Variants in GPHN observed in about 807,000 individuals in gnomAD.
GPHN encodes gephyrin.
GPHN carries 17 observed loss-of-function variants against 95.5 expected under a neutral mutation model. That is an observed-to-expected ratio of 0.18 (90% CI 0.12 to 0.27). GPHN has a LOEUF of 0.27. GPHN is among the 10% of genes least tolerant of loss of function. The probability of loss-of-function intolerance (pLI) is 1.00; values close to 1 mark genes in which losing one functional copy is unlikely to be tolerated. For missense variants in GPHN, 660 were observed against 978.1 expected, an observed-to-expected ratio of 0.67 and a Z score of 4.34; for synonymous variants, 320 against 322.5, an observed-to-expected ratio of 0.99 and a Z score of 0.08.
At chr14:67,250,762 A>G in the GPHN span, among the ~76,000 whole-genome samples, 1 of 152,324 alleles carries the variant, frequency 6.6e-6, no homozygotes, top group African/African-American at 2.4e-5. Context: ...AACGAAAATA[A>G]ATTTCATAGT....
At chr14:67,264,483 TG>T in the GPHN span, among the ~76,000 whole-genome samples, 2 of 152,198 alleles carry the variant, frequency 1.3e-5, no homozygotes, top group Non-Finnish European at 2.9e-5. Context: ...TGTGTTTTCT[TG>T]TAGCAGTTTT....
At chr14:67,451,620 A>G in the GPHN span, among the ~76,000 whole-genome samples, 1 of 151,986 alleles carries the variant, frequency 6.6e-6, no homozygotes, top group Non-Finnish European at 1.5e-5. Flanking sequence ...TGTTTTGGCC[A>G]ATTTCTCCCA....
chr14:67,050,891 C>T (rs566852834), intron 10 of GPHN, among the ~76,000 whole-genome samples: 9 of 152,266 alleles, frequency 5.9e-5, no homozygotes, highest in Admixed American at 2.0e-4. Flanking sequence ...GGAACTCCCA[C>T]TCCCAGCCAA....
In GPHN at chr14:66,770,724, G is replaced by A. The variant is rs116552263; in HGVS notation, c.144-5740G>A. 7.1e-3 allele frequency among the ~76,000 whole-genome samples: 1,078 copies of A among 152,092 alleles called. 5 individuals are homozygous for A. Among genetic ancestry groups the A allele is most frequent in the African/African-American group, 0.025 (1,024 of 41,482 alleles). On this transcript the variant is annotated intron_variant, in intron 2 of 22. Transcript: ENST00000478722. The stretch of plus-strand genomic sequence containing the variant: ...CCCATCCACAGTTTCACTTTCTGTC[G>A]TTTCAGTTATGTGCAGTCAAGTGCC...
the GPHN span, among the ~76,000 whole-genome samples, chr14:67,694,596 T>G: frequency 2.0e-5 from 3 of 151,538 alleles, no homozygotes; most frequent in African/African-American, 4.9e-5. Flanking sequence ...TGAGATTCTA[T>G]GTGGATAAGA....
At chr14:66,850,983 T>C (rs1432147836) in intron 4 of GPHN, among the ~76,000 whole-genome samples, 1 of 152,086 alleles carries the variant, frequency 6.6e-6, no homozygotes, top group East Asian at 1.9e-4. Context: ...TATAAGAATA[T>C]ATAATTATTG....
chr14:67,268,725 C>T, the GPHN span, among the ~76,000 whole-genome samples: 301 of 152,260 alleles, frequency 2.0e-3, 2 homozygotes, highest in East Asian at 2.1e-3. Context: ...GGATTTGCCT[C>T]GCTTCTTTAC....
chr14:67,410,470 A>G, the GPHN span, among the ~76,000 whole-genome samples: 2 of 151,784 alleles, frequency 1.3e-5, no homozygotes, highest in Non-Finnish European at 2.9e-5. Context: ...CCACCTCCAC[A>G]TGCTGCGAGA....
the GPHN span, among the ~76,000 whole-genome samples, chr14:67,710,908 T>A: frequency 2.0e-5 from 3 of 152,206 alleles, no homozygotes; most frequent in African/African-American, 7.2e-5. Context: ...ACCTAGATTA[T>A]TTATGAAAAC....
chr14:67,374,949 C>T, the GPHN span, among the ~76,000 whole-genome samples: 2 of 152,224 alleles, frequency 1.3e-5, no homozygotes, highest in African/African-American at 2.4e-5. Flanking sequence ...ATGAGGGTAA[C>T]GGAGACAACC....
At chr14:67,107,507 G>A (rs537266085) in intron 13 of GPHN, among the ~76,000 whole-genome samples, 1 of 152,328 alleles carries the variant, frequency 6.6e-6, no homozygotes, top group African/African-American at 2.4e-5. Flanking sequence ...TGGGTAGGGT[G>A]TAGTACTGAC....
the GPHN span, among the ~76,000 whole-genome samples, chr14:67,444,916 C>T: frequency 4.6e-4 from 70 of 152,272 alleles, no homozygotes; most frequent in South Asian, 3.7e-3. Context: ...GGTGCCACCA[C>T]GCCTGGCTAA....
At chr14:67,223,860 C>A in the GPHN span, 16 of 985,746 alleles carry the variant, frequency 1.6e-5, no homozygotes, top group Non-Finnish European at 1.9e-5. Context: ...TCACTTAACA[C>A]CCTGTACCCC....
the GPHN span, among the ~76,000 whole-genome samples, chr14:67,434,053 A>C: frequency 6.6e-6 from 1 of 152,216 alleles, no homozygotes; most frequent in African/African-American, 2.4e-5. Flanking sequence ...TATATGTGGC[A>C]AATTAAGCTT....
At chr14:66,872,834 G>T (rs1207355006) in intron 4 of GPHN, among the ~76,000 whole-genome samples, 3 of 150,994 alleles carry the variant, frequency 2.0e-5, no homozygotes, top group African/African-American at 7.3e-5. Flanking sequence ...GACGGAGTTT[G>T]CAGTAAGCCG....
intron 17 of GPHN, among the ~76,000 whole-genome samples, chr14:67,131,782 G>T (rs2079732095): frequency 6.6e-6 from 1 of 152,140 alleles, no homozygotes; most frequent in African/African-American, 2.4e-5. Context: ...TATCCAAATA[G>T]AATCCACTTG....
chr14:67,526,761 G>A, the GPHN span, among the ~76,000 whole-genome samples: 1 of 152,006 alleles, frequency 6.6e-6, no homozygotes, highest in Admixed American at 6.6e-5. Flanking sequence ...AGCCATCCTG[G>A]CCACTAGATG....
intron 2 of GPHN, among the ~76,000 whole-genome samples, chr14:66,751,465 G>C (rs931191591): frequency 6.6e-5 from 10 of 151,998 alleles, no homozygotes; most frequent in Non-Finnish European, 1.3e-4. Flanking sequence ...TTGTTTATAT[G>C]CTTGTTGGCT....
At chr14:67,553,777 C>G in the GPHN span, among the ~76,000 whole-genome samples, 1 of 152,226 alleles carries the variant, frequency 6.6e-6, no homozygotes, top group Non-Finnish European at 1.5e-5. Context: ...GGTCAAGGAA[C>G]TCCTCTGGGA....
Sources: allele counts gnomAD v4.1 joint callset (sites outside exome capture counted in the v4.1 genomes callset), GRCh38; gene constraint gnomAD v4.1.1; transcripts MANE v1.5; gene names NCBI Gene and HGNC (gene_info 2026-07-23, HGNC 2026-07-21).